SOX5: variants seen among roughly 807,000 people sequenced by gnomAD.
SOX5 encodes the protein SRY-box transcription factor 5, also known as transcription factor SOX-5.
SOX5 carries 9 observed loss-of-function variants against 92.0 expected under a neutral mutation model. That is an observed-to-expected ratio of 0.10 (90% CI 0.06 to 0.17). The LOEUF (loss-of-function observed/expected upper bound fraction) is 0.17, where lower values mean the gene tolerates loss of function less well. Ranked by LOEUF, SOX5 falls within the 10% of genes least tolerant of loss-of-function variation. The pLI, the probability that SOX5 is intolerant of heterozygous loss-of-function variation, is 1.00. For synonymous variants in SOX5, 344 were observed against 336.3 expected, an observed-to-expected ratio of 1.02 and a Z score of -0.25; for missense variants, 642 against 944.5, an observed-to-expected ratio of 0.68 and a Z score of 4.20.
rs374740267 is a variant in SOX5, at chr12:24,476,723, TGA to T, written c.-251+85604_-251+85605del. Among the ~76,000 whole-genome samples the T allele has an allele frequency of 4.0e-3, 614 of 152,134 alleles. 4 individuals carry two copies. The highest frequency in any genetic ancestry group is 0.017 in the Middle Eastern group (5 of 294). ...TTACCCCATTAGAGTGGGAGTTCCT[TGA>T]GAGAAGGAACAGTGTTTATTCACCT... is the stretch of plus-strand genomic sequence containing the variant. On this transcript the variant is annotated intron_variant, in intron 1 of 4. Coordinates refer to the SOX5 transcript ENST00000446891.
chr12:23,671,949 A>T (rs2139593331), intron 6 of SOX5, among the ~76,000 whole-genome samples: 1 of 152,220 alleles, frequency 6.6e-6, no homozygotes, highest in South Asian at 2.1e-4. Context: ...AACTTTTTTT[A>T]AAAATCGTTT....
At chr12:23,696,143 G>C (rs2089813240) in intron 6 of SOX5, among the ~76,000 whole-genome samples, 1 of 151,696 alleles carries the variant, frequency 6.6e-6, no homozygotes, top group Admixed American at 6.6e-5. Context: ...ATGTGGTTTT[G>C]GGAAGTATTC....
At chr12:24,067,665 T>C (rs1014015471) in intron 4 of SOX5, among the ~76,000 whole-genome samples, 1 of 152,208 alleles carries the variant, frequency 6.6e-6, no homozygotes, top group African/African-American at 2.4e-5. Flanking sequence ...AACGATTTTA[T>C]GGATTATACA....
At chr12:24,348,748 C>T (rs934416924) in intron 2 of SOX5, among the ~76,000 whole-genome samples, 5 of 152,064 alleles carry the variant, frequency 3.3e-5, no homozygotes, top group Non-Finnish European at 7.4e-5. Context: ...AATTGTAGCT[C>T]CCATAATCCC....
intron 4 of SOX5, among the ~76,000 whole-genome samples, chr12:24,026,074 G>C (rs1322647502): frequency 6.6e-6 from 1 of 152,006 alleles, no homozygotes; most frequent in Non-Finnish European, 1.5e-5. Context: ...ACTCTTAAAA[G>C]ATAGTAAGAA....
chr12:23,684,234 C>A (rs935987183), intron 6 of SOX5, among the ~76,000 whole-genome samples: 52 of 151,990 alleles, frequency 3.4e-4, no homozygotes, highest in Admixed American at 3.3e-3. Flanking sequence ...TCTTCCAAAC[C>A]TAATGACGGT....
chr12:24,059,363 T>C (rs534170870), intron 4 of SOX5, among the ~76,000 whole-genome samples: 2 of 152,158 alleles, frequency 1.3e-5, no homozygotes, highest in South Asian at 2.1e-4. Context: ...AATTTCTTCA[T>C]TTGAGATAAA....
chr12:23,793,068 T>C (rs942586245), intron 3 of SOX5, among the ~76,000 whole-genome samples: 1 of 152,206 alleles, frequency 6.6e-6, no homozygotes, highest in African/African-American at 2.4e-5. Flanking sequence ...ACGTTTTTCA[T>C]GTAAGACTTT....
chr12:23,958,880 G>A (rs1946576342), intron 4 of SOX5, among the ~76,000 whole-genome samples: 2 of 151,744 alleles, frequency 1.3e-5, no homozygotes, highest in Admixed American at 1.3e-4. Context: ...GGGAACAAAA[G>A]TAATATGTAG....
At chr12:23,733,916 T>C (rs903965225) in intron 6 of SOX5, among the ~76,000 whole-genome samples, 2 of 152,170 alleles carry the variant, frequency 1.3e-5, no homozygotes, top group Admixed American at 1.3e-4. Flanking sequence ...AAGTGAGTAT[T>C]GAGCCCTGAC....
intron 1 of SOX5, among the ~76,000 whole-genome samples, chr12:24,392,852 T>C (rs1412680763): frequency 6.6e-6 from 1 of 152,024 alleles, no homozygotes; most frequent in East Asian, 1.9e-4. Flanking sequence ...TAATAATACA[T>C]TTCTCCCTGT....
At chr12:23,641,058 A>T (rs576007713) in intron 7 of SOX5, among the ~76,000 whole-genome samples, 161 bp from the exon 8 acceptor site, 1 of 152,314 alleles carries the variant, frequency 6.6e-6, no homozygotes, top group African/African-American at 2.4e-5. Context: ...TCTTTTCACA[A>T]TTCTGGCTGA....
At chr12:24,529,527 C>T (rs544305071) in intron 1 of SOX5, among the ~76,000 whole-genome samples, 2 of 152,212 alleles carry the variant, frequency 1.3e-5, no homozygotes, top group South Asian at 2.1e-4. Flanking sequence ...ATTTACATTA[C>T]TCAAGAAAAA....
At chr12:24,350,993 G>T (rs1439862029) in intron 2 of SOX5, among the ~76,000 whole-genome samples, 1 of 152,164 alleles carries the variant, frequency 6.6e-6, no homozygotes, top group African/African-American at 2.4e-5. Flanking sequence ...AGGAGCTGGA[G>T]GTTGCAGTGA....
chr12:23,854,971 C>T (rs999316928), intron 2 of SOX5, among the ~76,000 whole-genome samples: 2 of 151,828 alleles, frequency 1.3e-5, no homozygotes, highest in African/African-American at 4.8e-5. Context: ...ATTACAAGAG[C>T]TATATAAGTG....
intron 3 of SOX5, among the ~76,000 whole-genome samples, chr12:23,787,910 G>C (rs1320780400): frequency 1.3e-5 from 2 of 151,366 alleles, no homozygotes; most frequent in Non-Finnish European, 3.0e-5. Context: ...AAGTGCTCCT[G>C]CTTAGACCCG....
intron 4 of SOX5, among the ~76,000 whole-genome samples, chr12:23,994,087 C>A (rs1950821386): frequency 6.6e-6 from 1 of 151,946 alleles, no homozygotes; most frequent in African/African-American, 2.4e-5. Context: ...GGCACCACTG[C>A]ACTCCAGCCT....
At chr12:24,256,766 AACAC>A (rs979805151) in intron 3 of SOX5, among the ~76,000 whole-genome samples, 1 of 152,130 alleles carries the variant, frequency 6.6e-6, no homozygotes, top group Non-Finnish European at 1.5e-5. Context: ...TCTCACTTTA[AACAC>A]ACACACAGAG....
intron 2 of SOX5, among the ~76,000 whole-genome samples, chr12:24,309,467 T>C (rs1948956170): frequency 6.6e-6 from 1 of 152,206 alleles, no homozygotes; most frequent in African/African-American, 2.4e-5. Context: ...CATTTTAAAG[T>C]TGATCTTATC....
Sources: gnomAD v4.1 joint callset for allele counts (sites outside exome capture counted in the v4.1 genomes callset) on GRCh38, gnomAD v4.1.1 for gene constraint, MANE v1.5 for transcripts, NCBI Gene and HGNC (gene_info 2026-07-23, HGNC 2026-07-21) for gene names.